Variants in SYN2 observed in about 807,000 individuals in gnomAD.
SYN2 encodes synapsin II, also known as synapsin-2.
SYN2 carries 19 observed loss-of-function variants against 50.9 expected under a neutral mutation model. The observed-to-expected ratio is 0.37, with a 90% CI of 0.26 to 0.55. SYN2 has a LOEUF of 0.55. SYN2 is among the 20% of genes least tolerant of loss of function. The pLI, the probability that SYN2 is intolerant of heterozygous loss-of-function variation, is 0.81. For missense variants in SYN2, 587 were observed against 576.4 expected (o/e 1.02, Z -0.19); for synonymous variants, 255 against 224.9 (o/e 1.13, Z -1.20).
chr3:12,022,651 A>G (rs1236445840), intron 1 of SYN2, among the ~76,000 whole-genome samples: 2 of 151,582 alleles, frequency 1.3e-5, no homozygotes, highest in African/African-American at 4.9e-5. Context: ...CTCGTGATCT[A>G]CCTGCCTCAG....
At chr3:12,062,293 A>C (rs1695128808) in intron 1 of SYN2, among the ~76,000 whole-genome samples, 1 of 151,994 alleles carries the variant, frequency 6.6e-6, no homozygotes, top group Non-Finnish European at 1.5e-5. Context: ...TTTTCAACAA[A>C]TTTACATTCA....
chr3:12,025,221 G>T (rs1025555143), intron 1 of SYN2, among the ~76,000 whole-genome samples: 1 of 152,074 alleles, frequency 6.6e-6, no homozygotes, highest in Non-Finnish European at 1.5e-5. Flanking sequence ...ACTCCCAAAG[G>T]TTCCACCTCC....
intron 5 of SYN2, among the ~76,000 whole-genome samples, chr3:12,152,479 C>T (rs551027353): frequency 6.6e-6 from 1 of 152,286 alleles, no homozygotes; most frequent in South Asian, 2.1e-4. Flanking sequence ...ACAGGGGGCT[C>T]TCTGGGGATC....
At chr3:12,117,901 G>C (rs1696467412) in intron 1 of SYN2, among the ~76,000 whole-genome samples, 1 of 152,174 alleles carries the variant, frequency 6.6e-6, no homozygotes. Context: ...ACTTAGTCTT[G>C]AGTCTGAGTT....
intron 5 of SYN2, chr3:12,158,704 A>C (rs758395139): frequency 1.9e-6 from 3 of 1,610,192 alleles, no homozygotes; most frequent in Non-Finnish European, 2.5e-6. Flanking sequence ...GGACTCACCA[A>C]GTGCCGAGTG....
In SYN2 at chr3:12,187,105, C is replaced by T. The variant is rs531288574; in HGVS notation, c.1370-264C>T. On this transcript the variant is annotated intron_variant, in intron 11 of 12. Coordinates refer to ENST00000621198, the MANE Select transcript of SYN2 (RefSeq NM_133625.6). ...CCTCTGTGAGAGAGTGCGCCTCTGA[C>T]GGGGCCGCTCGTCCCTGGTTCCTCC... Among the ~76,000 whole-genome samples, 5 of 152,264 alleles carry T rather than the reference C, an allele frequency of 3.3e-5. No homozygotes were observed. In the East Asian group the frequency reaches 9.7e-4, roughly 29 times the overall value.
intron 1 of SYN2, among the ~76,000 whole-genome samples, chr3:12,005,402 G>GT (rs962290265): frequency 1.3e-5 from 2 of 151,778 alleles, no homozygotes; most frequent in Admixed American, 6.6e-5. Context: ...GTGGTGGTGG[G>GT]TTTTTTTTAA....
chr3:12,024,149 C>CTTTTTTTTTTTTTTTTTTTTTTTTT (rs35513783), intron 1 of SYN2, among the ~76,000 whole-genome samples: 1 of 68,304 alleles, frequency 1.5e-5, no homozygotes, highest in Non-Finnish European at 2.6e-5. Context: ...TCATTACTTC[C>CTTTTTTTTTTTTTTTTTTTTTTTTT]TTTTTTTTTT....
At chr3:12,162,381 CAG>C (rs891632449) in intron 7 of SYN2, among the ~76,000 whole-genome samples, 12 of 152,166 alleles carry the variant, frequency 7.9e-5, no homozygotes, top group African/African-American at 2.9e-4. Context: ...TCATTTTGAA[CAG>C]AGACGACAGA....
intron 1 of SYN2, among the ~76,000 whole-genome samples, chr3:12,095,959 C>A (rs1695924505): frequency 6.6e-6 from 1 of 152,090 alleles, no homozygotes; most frequent in Non-Finnish European, 1.5e-5. Flanking sequence ...CAAAACTGAA[C>A]TCTTGAATTT....
intron 1 of SYN2, among the ~76,000 whole-genome samples, chr3:12,026,550 T>C (rs554362069): frequency 1.3e-5 from 2 of 152,078 alleles, no homozygotes; most frequent in Non-Finnish European, 2.9e-5. Context: ...AAAGGAAGAA[T>C]AGAAGTTCAC....
chr3:12,042,449 C>G (rs866894388), intron 1 of SYN2, among the ~76,000 whole-genome samples: 1 of 152,126 alleles, frequency 6.6e-6, no homozygotes, highest in African/African-American at 2.4e-5. Flanking sequence ...TCCCAGTTTT[C>G]TTTAAGGGAT....
chr3:12,135,037 T>G (rs1350692735), intron 1 of SYN2, among the ~76,000 whole-genome samples: 1 of 152,220 alleles, frequency 6.6e-6, no homozygotes, highest in Non-Finnish European at 1.5e-5. Context: ...GCTATCCAGC[T>G]TCTTTGAGGG....
At chr3:12,147,929 C>G (rs1267542943) in intron 4 of SYN2, among the ~76,000 whole-genome samples, 3 of 151,696 alleles carry the variant, frequency 2.0e-5, no homozygotes, top group African/African-American at 7.3e-5. Context: ...CTAACTAACA[C>G]AGAGAAACCC....
intron 1 of SYN2, among the ~76,000 whole-genome samples, chr3:12,040,268 G>A (rs989753418): frequency 6.6e-6 from 1 of 152,118 alleles, no homozygotes; most frequent in Non-Finnish European, 1.5e-5. Flanking sequence ...GTGGATTTCA[G>A]AGTGGTAATA....
intron 1 of SYN2, among the ~76,000 whole-genome samples, chr3:12,051,476 T>A (rs1228221390): frequency 6.7e-6 from 1 of 148,952 alleles, no homozygotes; most frequent in Non-Finnish European, 1.5e-5. Context: ...GTCGTAGTGG[T>A]CTGTTTCTCA....
intron 9 of SYN2, among the ~76,000 whole-genome samples, 199 bp downstream of exon 9, chr3:12,168,677 C>A (rs891451932): frequency 6.6e-6 from 1 of 152,160 alleles, no homozygotes; most frequent in African/African-American, 2.4e-5. Flanking sequence ...GGATCCTAGC[C>A]ATTCCTCTGG....
chr3:12,187,731 G>A, intron 12 of SYN2, 119 bp downstream of exon 12: 1 of 1,318,024 alleles, frequency 7.6e-7, no homozygotes, highest in Non-Finnish European at 9.9e-7. Context: ...ATTTTGTGAT[G>A]GGATTTGGTT....
At chr3:12,180,403 G>A (rs891962574) in intron 10 of SYN2, among the ~76,000 whole-genome samples, 6 of 152,246 alleles carry the variant, frequency 3.9e-5, no homozygotes, top group African/African-American at 1.4e-4. Context: ...AGTTCCTGCT[G>A]TGGGCTGGCT....
Sources: allele counts gnomAD v4.1 joint callset (sites outside exome capture counted in the v4.1 genomes callset), GRCh38; gene constraint gnomAD v4.1.1; transcripts MANE v1.5; gene names NCBI Gene and HGNC (gene_info 2026-07-23, HGNC 2026-07-21).